CTNNA2: variants seen among roughly 807,000 people sequenced by gnomAD.
CTNNA2 encodes catenin alpha 2.
Under a neutral mutation model 101.0 loss-of-function variants are expected in CTNNA2, and 42 were observed. That is an observed-to-expected ratio of 0.42 (90% CI 0.32 to 0.54). The LOEUF (loss-of-function observed/expected upper bound fraction) is 0.54. Among genes scored for constraint, CTNNA2 ranks in the 20% least tolerant of loss-of-function variants. The pLI is 0.14. For synonymous variants in CTNNA2, 450 were observed against 456.4 expected, an observed-to-expected ratio of 0.99 and a Z score of 0.18; for missense variants, 871 against 1,223.1, an observed-to-expected ratio of 0.71 and a Z score of 4.29.
chr2:80,316,181 T>C (rs1678102300), intron 7 of CTNNA2, among the ~76,000 whole-genome samples: 3 of 152,118 alleles, frequency 2.0e-5, no homozygotes, highest in Admixed American at 1.3e-4. Context: ...ACAGGTTGCT[T>C]CACAGCGTGA....
intron 7 of CTNNA2, among the ~76,000 whole-genome samples, chr2:79,931,590 C>G (rs1687444065): frequency 6.6e-6 from 1 of 152,172 alleles, no homozygotes; most frequent in African/African-American, 2.4e-5. Flanking sequence ...CATTTAGAAA[C>G]TTTTGTAGTA....
chr2:79,302,150 C>G (rs1676128132), intron 2 of CTNNA2, among the ~76,000 whole-genome samples: 1 of 151,964 alleles, frequency 6.6e-6, no homozygotes, highest in Admixed American at 6.6e-5. Context: ...GAACCCTTGA[C>G]TTGAAGAGGG....
At chr2:80,138,191 A>G (rs1207687779) in intron 7 of CTNNA2, among the ~76,000 whole-genome samples, 3 of 152,152 alleles carry the variant, frequency 2.0e-5, no homozygotes, top group Non-Finnish European at 2.9e-5. Context: ...GTGGTCTTAG[A>G]AAAACCTGGA....
intron 12 of CTNNA2, among the ~76,000 whole-genome samples, chr2:80,556,378 A>G (rs2149661171): frequency 6.6e-6 from 1 of 152,316 alleles, no homozygotes; most frequent in African/African-American, 2.4e-5. Flanking sequence ...TGGAAAGCAT[A>G]AAGGTTTTAG....
intron 7 of CTNNA2, among the ~76,000 whole-genome samples, chr2:80,208,206 AGAT>A (rs1707651148): frequency 6.6e-6 from 1 of 152,234 alleles, no homozygotes; most frequent in Non-Finnish European, 1.5e-5. Context: ...TTCTCAGCCA[AGAT>A]CATTATGACT....
At chr2:79,675,356 A>G (rs1034097930) in intron 2 of CTNNA2, among the ~76,000 whole-genome samples, 18 of 152,212 alleles carry the variant, frequency 1.2e-4, no homozygotes, top group Non-Finnish European at 1.3e-4. Flanking sequence ...TAAAATATTA[A>G]TAGACTTAGG....
chr2:80,272,557 GA>G (rs1233101448), intron 7 of CTNNA2, among the ~76,000 whole-genome samples: 1 of 152,100 alleles, frequency 6.6e-6, no homozygotes, highest in East Asian at 1.9e-4. Flanking sequence ...GGGAAACAGG[GA>G]AAACTACATT....
At chr2:80,528,397 C>G (rs571449309) in intron 9 of CTNNA2, among the ~76,000 whole-genome samples, 1 of 152,176 alleles carries the variant, frequency 6.6e-6, no homozygotes, top group South Asian at 2.1e-4. Context: ...GGGGTTTCAC[C>G]GTGTTAGTCA....
chr2:80,010,417 C>T (rs1693692854), intron 7 of CTNNA2, among the ~76,000 whole-genome samples: 1 of 152,012 alleles, frequency 6.6e-6, no homozygotes, highest in African/African-American at 2.4e-5. Context: ...ATAATCCACC[C>T]ACTTCAGCCT....
At chr2:80,046,830 GTAT>G (rs1456494265) in intron 7 of CTNNA2, among the ~76,000 whole-genome samples, 6 of 152,118 alleles carry the variant, frequency 3.9e-5, no homozygotes, top group South Asian at 2.1e-4. Flanking sequence ...TGTACTCTAG[GTAT>G]TATTAACACC....
intron 7 of CTNNA2, among the ~76,000 whole-genome samples, chr2:80,276,303 GCCAGACATAAGT>G (rs1413866844): frequency 6.6e-6 from 1 of 152,096 alleles, no homozygotes; most frequent in Non-Finnish European, 1.5e-5. Flanking sequence ...CACTTCAGAT[GCCAGACATAAGT>G]TTTGGGTGTT....
At chr2:79,737,887 T>G (rs1189738804) in intron 2 of CTNNA2, among the ~76,000 whole-genome samples, 1 of 152,218 alleles carries the variant, frequency 6.6e-6, no homozygotes, top group Non-Finnish European at 1.5e-5. Flanking sequence ...AGTGCCTTGA[T>G]GCCCTATTGC....
chr2:80,225,917 C>T (rs573695908), intron 7 of CTNNA2, among the ~76,000 whole-genome samples: 4 of 152,122 alleles, frequency 2.6e-5, no homozygotes, highest in African/African-American at 9.6e-5. Context: ...GCTATAACAA[C>T]CAAAAATACT....
At chr2:80,578,706 AACTTGTTGCCCGCCTCCATC>A (rs1371166345) in intron 13 of CTNNA2, among the ~76,000 whole-genome samples, 1 of 152,138 alleles carries the variant, frequency 6.6e-6, no homozygotes, top group Non-Finnish European at 1.5e-5. Flanking sequence ...TGAAACCGTC[AACTTGTTGCCCGCCTCCATC>A]ACTTGCTAGG....
chr2:80,634,568 C>G (rs1672662733), intron 18 of CTNNA2, among the ~76,000 whole-genome samples: 1 of 151,196 alleles, frequency 6.6e-6, no homozygotes, highest in Non-Finnish European at 1.5e-5. Context: ...GATTGGGAAG[C>G]CACTCAAGGT....
intron 7 of CTNNA2, among the ~76,000 whole-genome samples, chr2:80,205,320 A>G (rs889048167): frequency 4.6e-5 from 7 of 152,224 alleles, no homozygotes; most frequent in Admixed American, 1.3e-4. Flanking sequence ...CAGTTGAACA[A>G]AAAACCTCTT....
At chr2:79,225,505 GA>G (rs1558579297) in intron 2 of CTNNA2, among the ~76,000 whole-genome samples, 1 of 152,116 alleles carries the variant, frequency 6.6e-6, no homozygotes, top group African/African-American at 2.4e-5. Flanking sequence ...GAGAGAAAAA[GA>G]AAAATGGCCC....
At chr2:79,376,272 G>A (rs538753466) in intron 4 of CTNNA2, among the ~76,000 whole-genome samples, 2 of 152,218 alleles carry the variant, frequency 1.3e-5, no homozygotes, top group African/African-American at 2.4e-5. Flanking sequence ...TTGCAGAAAT[G>A]AGTAGGAAAC....
intron 2 of CTNNA2, among the ~76,000 whole-genome samples, chr2:79,733,263 G>A (rs1052421953): frequency 6.6e-6 from 1 of 152,074 alleles, no homozygotes; most frequent in African/African-American, 2.4e-5. Context: ...ACTGGGATGA[G>A]ATTCACTGTC....
Sources: allele counts gnomAD v4.1 joint callset (sites outside exome capture counted in the v4.1 genomes callset), GRCh38; gene constraint gnomAD v4.1.1; transcripts MANE v1.5; gene names NCBI Gene and HGNC (gene_info 2026-07-23, HGNC 2026-07-21).